Variants in DNAH17 observed in about 807,000 individuals in gnomAD.
The protein encoded by DNAH17 is dynein axonemal heavy chain 17.
DNAH17 carries 376 observed loss-of-function variants against 485.6 expected under a neutral mutation model. The observed-to-expected ratio is 0.77, with a 90% CI of 0.71 to 0.84. The LOEUF (loss-of-function observed/expected upper bound fraction) is 0.84, where lower values mean the gene tolerates loss of function less well. DNAH17 is among the 40% of genes least tolerant of loss of function. The pLI, the probability that DNAH17 is intolerant of heterozygous loss-of-function variation, is 0.00. For synonymous variants in DNAH17, 3,031 were observed against 2,405.9 expected, an observed-to-expected ratio of 1.26 and a Z score of -7.60; for missense variants, 6,370 against 5,839.3, an observed-to-expected ratio of 1.09 and a Z score of -2.96.
chr17:78,501,592 G>A (rs1410592849), intron 34 of DNAH17, 150 bp downstream of exon 34: 72 of 1,202,472 alleles, frequency 6.0e-5, no homozygotes, highest in African/African-American at 7.6e-5. Context: ...GGGTGAGTCC[G>A]GGCAAGGAGG....
intron 62 of DNAH17, among the ~76,000 whole-genome samples, chr17:78,457,507 A>G (rs183544949): frequency 3.5e-4 from 54 of 152,276 alleles, no homozygotes; most frequent in Non-Finnish European, 6.5e-4. Flanking sequence ...TATTTTGGAT[A>G]TTTGGGGTTA....
In DNAH17 at chr17:78,450,135, C is replaced by A. The variant is rs145296469; in HGVS notation, c.11040+119G>T. On this transcript the variant is annotated intron_variant, in intron 68 of 80. Coordinates refer to ENST00000389840, the MANE Select transcript of DNAH17 (RefSeq NM_173628.4). ...GCTCCATCTGCAGGCTGGACCAGGT[C>A]TGCCCTCTGAGGGTGGCCCTGGCAC... The A allele has an allele frequency of 1.0e-3, 1,265 of 1,241,058 alleles. 8 individuals are homozygous for A. In the African/African-American group the frequency reaches 0.017, roughly 16 times the overall value. 76.9% of individuals were successfully genotyped at this position (1,241,058 alleles called of 1,614,324 possible). A position where few individuals can be genotyped will look rare whatever the true frequency, so the allele number is the denominator to read the frequency against.
intron 53 of DNAH17, 62 bp from the exon 54 acceptor site, chr17:78,475,531 C>T (rs2088974634): frequency 6.2e-7 from 1 of 1,610,106 alleles, no homozygotes; most frequent in East Asian, 2.2e-5. Flanking sequence ...CTGTCACCAG[C>T]ACGGACTCTG....
At chr17:78,511,915 A>G (rs1250206435) in intron 26 of DNAH17, among the ~76,000 whole-genome samples, 2 of 152,192 alleles carry the variant, frequency 1.3e-5, no homozygotes, top group East Asian at 1.9e-4. Flanking sequence ...TCAACACTCG[A>G]AAGGCACCCC....
chr17:78,542,819 T>C (rs2091635084), intron 17 of DNAH17, among the ~76,000 whole-genome samples: 1 of 152,200 alleles, frequency 6.6e-6, no homozygotes, highest in South Asian at 2.1e-4. Context: ...CCTGTGCACG[T>C]TCAAATGGTC....
chr17:78,557,962 A>T, intron 14 of DNAH17, 146 bp downstream of exon 14: 1 of 998,180 alleles, frequency 1.0e-6, no homozygotes, highest in Non-Finnish European at 1.4e-6. Flanking sequence ...GGTACTCAGT[A>T]AGTATGCAGT....
rs140469478 is a variant in DNAH17 at position 78,560,075 on chromosome 17, G to A, written c.2031+665C>T. On this transcript the variant is annotated intron_variant, in intron 13 of 80. Transcript: ENST00000389840. ...GCACCTTCTACCATATCATACACTTGACTCCCTCGTGAATGCTAGCTGATC... is the reference window on the plus strand; with the variant it reads ...GCACCTTCTACCATATCATACACTTAACTCCCTCGTGAATGCTAGCTGATC... 2.0e-4 allele frequency among the ~76,000 whole-genome samples: 30 copies of A among 152,120 alleles called. 1 individual carries two copies. The East Asian group carries it at 5.4e-3, about 27-fold the overall frequency.
rs770417737 is a variant in DNAH17, at chr17:78,455,776, C to T, written c.10038G>A (p.Arg3346=). The T allele has an allele frequency of 1.2e-6, 2 of 1,613,534 alleles. No individual in the cohort carries two copies. Among genetic ancestry groups the T allele is most frequent in the South Asian group, 2.2e-5 (2 of 90,972 alleles). Residue 3346 remains arginine, a synonymous_variant, in exon 63 of 81, where the codon AGG becomes AGA. Transcript: ENST00000389840. The stretch of plus-strand genomic sequence containing the variant: ...CCCCACACAGCGTGACCCCCTGGCT[C>T]CTGAAGTTCTCCACAGACTCAGCCC... ...IRWAESVENF[R]SQGVTLCGDV...
intron 16 of DNAH17, among the ~76,000 whole-genome samples, chr17:78,547,130 C>T (rs1348833201): frequency 1.3e-5 from 2 of 151,988 alleles, no homozygotes; most frequent in African/African-American, 4.8e-5. Flanking sequence ...ATATACTTAC[C>T]TCTTTATATT....
chr17:78,510,759 G>T (rs199610123), intron 26 of DNAH17: 2 of 316,876 alleles, frequency 6.3e-6, no homozygotes, highest in South Asian at 3.9e-5. Flanking sequence ...CGGCCCCCCC[G>T]CAAAATTCAC....
At chr17:78,469,686 A>G (rs2088654742) in intron 54 of DNAH17, among the ~76,000 whole-genome samples, 1 of 152,240 alleles carries the variant, frequency 6.6e-6, no homozygotes, top group African/African-American at 2.4e-5. Context: ...CCATCCATGC[A>G]TGAACAGGTA....
intron 67 of DNAH17, 61 bp downstream of exon 67, chr17:78,450,621 C>A: frequency 1.3e-6 from 2 of 1,555,608 alleles, no homozygotes; most frequent in Non-Finnish European, 1.7e-6. Context: ...AGGCGCCGAT[C>A]GCCCGTGGCC....
chr17:78,463,204 A>G (rs746430810), intron 56 of DNAH17, 127 bp from the exon 57 acceptor site: 6 of 800,334 alleles, frequency 7.5e-6, no homozygotes, highest in South Asian at 5.3e-5. Flanking sequence ...CAGTGTCTTC[A>G]ACTGCCCAAA....
intron 54 of DNAH17, among the ~76,000 whole-genome samples, chr17:78,474,497 G>C (rs2088916395): frequency 6.6e-6 from 1 of 152,242 alleles, no homozygotes; most frequent in Admixed American, 6.5e-5. Context: ...CAGCCATTCA[G>C]CATCTCAGGC....
At chr17:78,524,934 G>A in intron 25 of DNAH17, 75 bp downstream of exon 25, 3 of 1,534,904 alleles carry the variant, frequency 2.0e-6, no homozygotes, top group Admixed American at 1.9e-5. Flanking sequence ...GGTGCCCAGA[G>A]CCTGCCCTCT....
In DNAH17 at chr17:78,537,442, C is replaced by G; in HGVS notation, c.2716G>C (p.Asp906His). ...GGGTTGAAGGTCAGCCCATCCTCGT[C>G]CAGCTCCATGCGGATCTCAAACAGG... ...APLFEIRMEL[D>H]EDGLTFNPTL... Residue 906 changes from aspartate to histidine, a missense_variant, in exon 19 of 81, where the codon GAC becomes CAC. By Grantham distance (81) the Asp-to-His change is moderately conservative. Coordinates refer to ENST00000389840, the MANE Select transcript of DNAH17 (RefSeq NM_173628.4). 1 of 1,613,456 alleles carries G rather than the reference C, an allele frequency of 6.2e-7. No homozygotes were observed. The highest frequency in any genetic ancestry group is 8.5e-7 in the Non-Finnish European group (1 of 1,179,866).
intron 18 of DNAH17, among the ~76,000 whole-genome samples, chr17:78,539,066 A>C (rs1334588246): frequency 6.6e-6 from 1 of 152,040 alleles, no homozygotes; most frequent in African/African-American, 2.4e-5. Flanking sequence ...CCTTGCCTCT[A>C]CTAAAAATAC....
chr17:78,511,363 C>T (rs1178615389), intron 26 of DNAH17, among the ~76,000 whole-genome samples: 1 of 152,240 alleles, frequency 6.6e-6, no homozygotes, highest in East Asian at 1.9e-4. Flanking sequence ...CTGCCTCAGC[C>T]TCCCAAAGTG....
At position 78,451,496 on chromosome 17, in the gene DNAH17, T is replaced by C; in HGVS notation, c.10707A>G (p.Lys3569=). Residue 3569 remains lysine (K), a synonymous_variant, in exon 66 of 81, where the codon AAA becomes AAG. Transcript: ENST00000389840. ...EDQLLAAVVA[K]ERPDLEQLKA... The stretch of plus-strand genomic sequence containing the variant: ...TCAGCTGTTCCAGATCTGGGCGCTC[T>C]TTGGCCACCACAGCGGCCAAGAGTT... The C allele has an allele frequency of 2.5e-6, 4 of 1,613,100 alleles. No homozygotes were observed. The highest frequency in any genetic ancestry group is 3.4e-6 in the Non-Finnish European group (4 of 1,179,478).
Sources: allele counts gnomAD v4.1 joint callset (sites outside exome capture counted in the v4.1 genomes callset), GRCh38; gene constraint gnomAD v4.1.1; transcripts MANE v1.5; gene names NCBI Gene and HGNC (gene_info 2026-07-23, HGNC 2026-07-21).